The following FMN2 variants were observed in gnomAD, a reference collection of about 807,000 sequenced individuals.
FMN2 encodes the protein formin 2, also known as formin-2.
FMN2 carries 51 observed loss-of-function variants against 142.3 expected under a neutral mutation model. The ratio of observed to expected loss-of-function variants is 0.36; its 90% confidence interval spans 0.29 to 0.45. The LOEUF is 0.45. FMN2 is among the 20% of genes least tolerant of loss of function. FMN2 has a pLI of 1.00. For synonymous variants in FMN2, 882 were observed against 869.8 expected (o/e 1.01, Z -0.25); for missense variants, 1,936 against 2,122.8 (o/e 0.91, Z 1.73).
intron 14 of FMN2, among the ~76,000 whole-genome samples, chr1:240,376,263 T>A (rs1379596950): frequency 6.6e-6 from 1 of 152,166 alleles, no homozygotes; most frequent in African/African-American, 2.4e-5. Context: ...GTCTTATTTT[T>A]CTTATCCTGC....
At chr1:240,268,898 CCTTT>C (rs1182728587) in intron 7 of FMN2, among the ~76,000 whole-genome samples, 1 of 151,626 alleles carries the variant, frequency 6.6e-6, no homozygotes, top group Non-Finnish European at 1.5e-5. Flanking sequence ...GGGTTATTTG[CCTTT>C]CTGTTATTGA....
chr1:240,419,204 A>G (rs943167025), intron 15 of FMN2, among the ~76,000 whole-genome samples: 2 of 152,204 alleles, frequency 1.3e-5, no homozygotes, highest in Non-Finnish European at 2.9e-5. Context: ...TGTATTTTCA[A>G]ATGCTTTCGT....
intron 2 of FMN2, among the ~76,000 whole-genome samples, chr1:240,141,024 T>G (rs79495632): frequency 0.023 from 3,525 of 152,316 alleles, 112 homozygotes; most frequent in African/African-American, 0.077. Context: ...TGCACTGACT[T>G]CTATTAGAAA....
At chr1:240,227,524 T>G (rs1471183432) in intron 6 of FMN2, among the ~76,000 whole-genome samples, 1 of 152,162 alleles carries the variant, frequency 6.6e-6, no homozygotes, top group African/African-American at 2.4e-5. Context: ...AGAACAAAGT[T>G]GGAAGCCTCC....
At chr1:240,169,675 A>C (rs545715601) in intron 2 of FMN2, among the ~76,000 whole-genome samples, 1 of 151,898 alleles carries the variant, frequency 6.6e-6, no homozygotes, top group African/African-American at 2.4e-5. Flanking sequence ...TAGTCTTGCT[A>C]TCTCGTCCTG....
intron 4 of FMN2, among the ~76,000 whole-genome samples, chr1:240,206,411 C>G (rs903718483): frequency 6.6e-6 from 1 of 152,066 alleles, no homozygotes; most frequent in Non-Finnish European, 1.5e-5. Flanking sequence ...CAGTGACTAC[C>G]TTTAAAATTC....
At chr1:240,235,417 T>G (rs181253535) in intron 6 of FMN2, among the ~76,000 whole-genome samples, 6,330 of 83,500 alleles carry the variant, frequency 0.076, 381 homozygotes, top group African/African-American at 0.27. Context: ...TAATTTTTTG[T>G]TTTTTTTTTC....
At chr1:240,182,769 G>A (rs1028209263) in intron 3 of FMN2, among the ~76,000 whole-genome samples, 5 of 152,232 alleles carry the variant, frequency 3.3e-5, no homozygotes, top group African/African-American at 7.2e-5. Context: ...GCAGAAAGGG[G>A]AATGTGAGTG....
chr1:240,311,599 T>G (rs12088334), intron 8 of FMN2, among the ~76,000 whole-genome samples: 31,648 of 152,072 alleles, frequency 0.21, 3,551 homozygotes, highest in Admixed American at 0.33. Flanking sequence ...TCTATAAACT[T>G]AATAAAAAAT....
intron 6 of FMN2, among the ~76,000 whole-genome samples, chr1:240,211,854 A>G (rs1666701777): frequency 1.3e-5 from 2 of 152,330 alleles, no homozygotes; most frequent in South Asian, 4.1e-4. Context: ...TTCTACTGAT[A>G]TATCCATTGG....
chr1:240,311,119 G>A (rs143118208), intron 8 of FMN2, among the ~76,000 whole-genome samples: 222 of 152,176 alleles, frequency 1.5e-3, no homozygotes, highest in African/African-American at 5.1e-3. Context: ...AAGAATTAGA[G>A]ATCTAAATTT....
At chr1:240,373,345 A>G (rs1342196711) in intron 14 of FMN2, among the ~76,000 whole-genome samples, 1 of 152,154 alleles carries the variant, frequency 6.6e-6, no homozygotes, top group Non-Finnish European at 1.5e-5. Context: ...AAATAAGTCA[A>G]AAATGAAGTG....
chr1:240,348,854 T>C (rs567062094), intron 13 of FMN2, among the ~76,000 whole-genome samples: 1 of 152,344 alleles, frequency 6.6e-6, no homozygotes, highest in East Asian at 1.9e-4. Flanking sequence ...GTTTTTTGTT[T>C]GTTTTGTTTT....
chr1:240,216,651 G>T (rs1185918359), intron 6 of FMN2, among the ~76,000 whole-genome samples: 1 of 152,174 alleles, frequency 6.6e-6, no homozygotes, highest in Non-Finnish European at 1.5e-5. Flanking sequence ...TAACTTTAAG[G>T]ATTAGATATT....
At chr1:240,155,036 GCA>G (rs920814812) in intron 2 of FMN2, among the ~76,000 whole-genome samples, 8 of 151,428 alleles carry the variant, frequency 5.3e-5, no homozygotes. Flanking sequence ...GACTAGAGTT[GCA>G]CACCACCACA....
At chr1:240,143,720 C>T in intron 2 of FMN2, 1 of 1,567,586 alleles carries the variant, frequency 6.4e-7, no homozygotes, top group Non-Finnish European at 8.8e-7. Context: ...AGCCAACGAG[C>T]ATAAGAGTCC....
intron 6 of FMN2, among the ~76,000 whole-genome samples, chr1:240,247,255 C>T (rs1668111539): frequency 1.3e-5 from 2 of 152,136 alleles, no homozygotes; most frequent in Non-Finnish European, 2.9e-5. Flanking sequence ...GTAATCTCAT[C>T]ACTGTGGGAG....
At chr1:240,437,069 G>A (rs577118262) in intron 15 of FMN2, among the ~76,000 whole-genome samples, 10 of 152,140 alleles carry the variant, frequency 6.6e-5, no homozygotes, top group Non-Finnish European at 1.5e-4. Flanking sequence ...GAAGACTTTT[G>A]TGAAGTCAGA....
chr1:240,468,161 G>C (rs1676681727), intron 16 of FMN2, among the ~76,000 whole-genome samples: 1 of 151,472 alleles, frequency 6.6e-6, no homozygotes, highest in African/African-American at 2.4e-5. Context: ...CAAATGCCCT[G>C]GGTAGTCCCC....
Sources: gnomAD v4.1 joint callset for allele counts (sites outside exome capture counted in the v4.1 genomes callset) on GRCh38, gnomAD v4.1.1 for gene constraint, MANE v1.5 for transcripts, NCBI Gene and HGNC (gene_info 2026-07-23, HGNC 2026-07-21) for gene names.